The following USP32 variants were observed in gnomAD, a reference collection of about 807,000 sequenced individuals.
USP32 encodes the protein ubiquitin carboxyl-terminal hydrolase 32.
USP32 carries 59 observed loss-of-function variants against 204.8 expected under a neutral mutation model. The ratio of observed to expected loss-of-function variants is 0.29; its 90% CI spans 0.23 to 0.36. The LOEUF (loss-of-function observed/expected upper bound fraction) is 0.36. Among genes scored for constraint, USP32 ranks in the 10% least tolerant of loss-of-function variants. The pLI, the probability that USP32 is intolerant of heterozygous loss-of-function variation, is 1.00. For missense variants in USP32, 1,160 were observed against 1,946.4 expected (o/e 0.60, Z 7.60); for synonymous variants, 517 against 678.4 (o/e 0.76, Z 3.70).
upstream of USP32, among the ~76,000 whole-genome samples, chr17:60,395,947 C>T (rs951441894): frequency 6.6e-6 from 1 of 151,944 alleles, no homozygotes; most frequent in Non-Finnish European, 1.5e-5. Context: ...ATTGCTACAA[C>T]GTGACACCAA....
chr17:60,387,270 A>T (rs2089748079), intron 1 of USP32, among the ~76,000 whole-genome samples: 1 of 152,240 alleles, frequency 6.6e-6, no homozygotes, highest in Admixed American at 6.5e-5. Flanking sequence ...GTTTTAAAGC[A>T]TCTTAGATTT....
intron 2 of USP32, among the ~76,000 whole-genome samples, chr17:60,343,780 C>A (rs768464528): frequency 2.0e-5 from 3 of 152,144 alleles, no homozygotes; most frequent in Non-Finnish European, 2.9e-5. Flanking sequence ...GCCTGCAATC[C>A]CAGCACTTTG....
intron 2 of USP32, among the ~76,000 whole-genome samples, chr17:60,321,566 C>T (rs1405035386): frequency 2.0e-5 from 3 of 152,132 alleles, no homozygotes; most frequent in African/African-American, 7.2e-5. Flanking sequence ...AGGTGAGACA[C>T]ATTGGATATA....
At position 60,180,983 on chromosome 17, in the gene USP32, G is replaced by A. The variant is rs2084096751; in HGVS notation, c.4548+341C>T. Reference sequence around the variant, plus strand: ...CTAAAGACTTGACCTCCTGGGCTCAGGTGATCCTTCTGCCTCAGCCTTCCA... The same window carrying A: ...CTAAAGACTTGACCTCCTGGGCTCAAGTGATCCTTCTGCCTCAGCCTTCCA... On this transcript the variant is annotated intron_variant, in intron 32 of 33. Transcript: ENST00000300896. 2.0e-5 allele frequency among the ~76,000 whole-genome samples: 3 copies of A among 151,828 alleles called. No individual in the cohort carries two copies. In the South Asian group the frequency reaches 6.2e-4, roughly 32 times the overall value.
chr17:60,366,228 G>A (rs1175068223), intron 1 of USP32, among the ~76,000 whole-genome samples: 1 of 151,872 alleles, frequency 6.6e-6, no homozygotes, highest in Non-Finnish European at 1.5e-5. Flanking sequence ...GCGCGATCTC[G>A]GCTCACTGAA....
intron 31 of USP32, among the ~76,000 whole-genome samples, chr17:60,181,994 TA>T (rs1315408845): frequency 3.3e-5 from 5 of 152,286 alleles, no homozygotes; most frequent in Non-Finnish European, 7.3e-5. Flanking sequence ...ACTCAGAAAA[TA>T]GCAGAAAGAT....
intron 26 of USP32, 81 bp from the exon 27 acceptor site, chr17:60,198,525 A>G: frequency 6.8e-7 from 1 of 1,479,344 alleles, no homozygotes; most frequent in Non-Finnish European, 9.3e-7. Flanking sequence ...ATGCCTGCCA[A>G]TGACAGGCAC....
Position 60,219,599 on chromosome 17 carries a change from A to G in USP32, c.1867+71T>C, listed in dbSNP as rs530089708. The G allele has an allele frequency of 5.0e-6, 4 of 794,186 alleles. 1 individual carries two copies. The highest frequency in any genetic ancestry group is 7.3e-5 in the Admixed American group (2 of 27,214). The allele number at this position is 794,186 out of a possible 1,614,324, so 49.2% of individuals were successfully genotyped here. ...TTTTTTTTTTTTTTTAAGGAAATGCATGGTATTCTTGCTGCATTCTTAAGT... is the reference window on the plus strand; with the variant it reads ...TTTTTTTTTTTTTTTAAGGAAATGCGTGGTATTCTTGCTGCATTCTTAAGT... On this transcript the variant is annotated intron_variant, in intron 16 of 33. Transcript: ENST00000300896.
At chr17:60,191,602 C>T (rs1482537253) in intron 28 of USP32, among the ~76,000 whole-genome samples, 2 of 150,750 alleles carry the variant, frequency 1.3e-5, no homozygotes, top group African/African-American at 2.4e-5. Flanking sequence ...CTCCGCCTCC[C>T]GGGTTCAAGC....
chr17:60,193,955 G>A (rs549417453), intron 27 of USP32, among the ~76,000 whole-genome samples: 1 of 152,282 alleles, frequency 6.6e-6, no homozygotes, highest in South Asian at 2.1e-4. Context: ...AAGCTGTGCA[G>A]CACTTCCCTT....
At chr17:60,287,918 C>A (rs1036442949) in intron 5 of USP32, among the ~76,000 whole-genome samples, 1 of 151,488 alleles carries the variant, frequency 6.6e-6, no homozygotes, top group Admixed American at 6.6e-5. Context: ...TCGAGACCAT[C>A]CTGGCTAACA....
intron 1 of USP32, among the ~76,000 whole-genome samples, chr17:60,355,389 T>A (rs1453359874): frequency 1.3e-5 from 2 of 152,026 alleles, no homozygotes; most frequent in Non-Finnish European, 2.9e-5. Flanking sequence ...GATATAAAAA[T>A]TTTCCCTCCA....
At chr17:60,243,021 A>C (rs1320580453) in intron 11 of USP32, among the ~76,000 whole-genome samples, 1 of 152,216 alleles carries the variant, frequency 6.6e-6, no homozygotes. Flanking sequence ...CATTTTCTTA[A>C]ATTTCTGTCA....
At chr17:60,361,060 C>T (rs1302109370) in intron 1 of USP32, among the ~76,000 whole-genome samples, 4 of 152,036 alleles carry the variant, frequency 2.6e-5, no homozygotes, top group Admixed American at 6.6e-5. Flanking sequence ...ACCTGAGAGG[C>T]GGAGATTGAA....
intron 5 of USP32, among the ~76,000 whole-genome samples, chr17:60,273,558 G>C (rs1202446570): frequency 6.6e-6 from 1 of 152,122 alleles, no homozygotes; most frequent in Non-Finnish European, 1.5e-5. Context: ...CTTTTTTAAA[G>C]AGAGACAACA....
rs891357713 is a variant in USP32 at position 60,421,946 on chromosome 17, G to A, written c.106+300C>T. On this transcript the variant is annotated intron_variant, in intron 1 of 3. Coordinates refer to the USP32 transcript ENST00000588898. ...CTGCCCCAGGGAAGGCCGCGGGGAG[G>A]GTTACAGAGCCCGTAGGCACTGGCG... is the stretch of plus-strand genomic sequence containing the variant. 4 of 985,276 alleles carry A rather than the reference G, an allele frequency of 4.1e-6. No homozygotes were observed. The African/African-American group carries it at 7.0e-5, about 17-fold the overall frequency. 61.0% of individuals were successfully genotyped at this position (985,276 alleles called of 1,614,324 possible).
intron 1 of USP32, among the ~76,000 whole-genome samples, chr17:60,408,540 G>C (rs924955648): frequency 6.6e-6 from 1 of 152,094 alleles, no homozygotes; most frequent in Non-Finnish European, 1.5e-5. Context: ...ACCATGCCCA[G>C]CTAATTTTTG....
At chr17:60,253,676 G>A (rs549333088) in intron 10 of USP32, among the ~76,000 whole-genome samples, 1 of 152,204 alleles carries the variant, frequency 6.6e-6, no homozygotes, top group East Asian at 1.9e-4. Flanking sequence ...TGAGGCAGGA[G>A]AATCGCTTGA....
chr17:60,399,049 G>C, intron 1 of USP32, among the ~76,000 whole-genome samples: 1 of 152,168 alleles, frequency 6.6e-6, no homozygotes, highest in Non-Finnish European at 1.5e-5. Context: ...GGAACCTAGA[G>C]TAGGGAGAGG....
Sources: allele counts gnomAD v4.1 joint callset (sites outside exome capture counted in the v4.1 genomes callset), GRCh38; gene constraint gnomAD v4.1.1; transcripts MANE v1.5; gene names NCBI Gene and HGNC (gene_info 2026-07-23, HGNC 2026-07-21).